Variants in SARNP observed in about 807,000 individuals in gnomAD.
SARNP encodes the protein SAP domain-containing ribonucleoprotein.
SARNP carries 5 observed loss-of-function variants against 38.1 expected under a neutral mutation model. The observed-to-expected ratio is 0.13, with a 90% CI of 0.07 to 0.28. The LOEUF is 0.28. Among genes scored for constraint, SARNP ranks in the 10% least tolerant of loss-of-function variants. The pLI is 1.00. For missense variants in SARNP, 180 were observed against 243.9 expected (o/e 0.74, Z 1.75); for synonymous variants, 84 against 80.6 (o/e 1.04, Z -0.23).
chr12:55,772,617 C>T (rs1477553495), intron 9 of SARNP, among the ~76,000 whole-genome samples: 1 of 152,110 alleles, frequency 6.6e-6, no homozygotes, highest in Non-Finnish European at 1.5e-5. Context: ...AAGTCCCCAT[C>T]TCCCTCCTTT....
chr12:55,786,561 T>A (rs948525283), intron 9 of SARNP, among the ~76,000 whole-genome samples: 4 of 152,196 alleles, frequency 2.6e-5, no homozygotes, highest in African/African-American at 9.7e-5. Context: ...GCGATTCTCC[T>A]GCCTCAGCCT....
At chr12:55,808,226 T>C (rs1880214364) in intron 1 of SARNP, among the ~76,000 whole-genome samples, 1 of 152,156 alleles carries the variant, frequency 6.6e-6, no homozygotes, top group South Asian at 2.1e-4. Context: ...CTCATGCCTG[T>C]AGTCCCTGCA....
At position 55,801,975 on chromosome 12, in the gene SARNP, T is replaced by A. The variant is rs376322553; in HGVS notation, c.137-1075A>T. 1.3e-4 allele frequency among the ~76,000 whole-genome samples: 20 copies of A among 152,172 alleles called. No individual in the cohort carries two copies. In the East Asian group the frequency reaches 2.1e-3, roughly 16 times the overall value. On this transcript the variant is annotated intron_variant, in intron 2 of 10. Coordinates refer to ENST00000336133, the MANE Select transcript of SARNP (RefSeq NM_033082.4). The stretch of plus-strand genomic sequence containing the variant: ...AATAGTTATTAGAATATAAAAGAAA[T>A]GCCTGCAAGCCAACAGGCAAATTAT...
At chr12:55,799,354 GGAAAAAGCCCCAAATTAAA>G (rs1044952505) in intron 4 of SARNP, among the ~76,000 whole-genome samples, 5 of 152,046 alleles carry the variant, frequency 3.3e-5, no homozygotes, top group African/African-American at 1.2e-4. Flanking sequence ...AGACATTTGT[GGAAAAAGCCCCAAATTAAA>G]GATGTTTAGG....
chr12:55,806,722 T>C (rs2136204932), intron 1 of SARNP, among the ~76,000 whole-genome samples: 1 of 152,248 alleles, frequency 6.6e-6, no homozygotes, highest in East Asian at 1.9e-4. Context: ...GTATTTTTAG[T>C]AGAGACGGGG....
At chr12:55,803,793 G>A in intron 1 of SARNP, 65 bp from the exon 2 acceptor site, 1 of 1,040,330 alleles carries the variant, frequency 9.6e-7, no homozygotes, top group Non-Finnish European at 1.5e-6. Flanking sequence ...TAAAATGGTA[G>A]TTCCCACAAG....
At chr12:55,813,178 T>C (rs949103976) in intron 1 of SARNP, among the ~76,000 whole-genome samples, 4 of 152,168 alleles carry the variant, frequency 2.6e-5, no homozygotes, top group African/African-American at 9.7e-5. Context: ...ACTCCTGACC[T>C]CGTGATCTGC....
At chr12:55,801,738 C>T (rs1045427261) in intron 2 of SARNP, among the ~76,000 whole-genome samples, 4 of 152,144 alleles carry the variant, frequency 2.6e-5, no homozygotes, top group Non-Finnish European at 5.9e-5. Flanking sequence ...CTGCCTTAGC[C>T]TCCCAAGTAG....
chr12:55,806,974 T>G (rs1880164363), intron 1 of SARNP, among the ~76,000 whole-genome samples: 2 of 152,332 alleles, frequency 1.3e-5, no homozygotes, highest in South Asian at 4.1e-4. Context: ...TATTTATTTT[T>G]AGAGACAGTG....
chr12:55,803,360 T>C (rs1051332977), intron 2 of SARNP, among the ~76,000 whole-genome samples: 4 of 151,934 alleles, frequency 2.6e-5, no homozygotes, highest in African/African-American at 9.7e-5. Context: ...GGTGCTCGCC[T>C]GTAGTCCCAG....
At chr12:55,786,203 T>C (rs1879488587) in intron 9 of SARNP, among the ~76,000 whole-genome samples, 2 of 152,194 alleles carry the variant, frequency 1.3e-5, no homozygotes, top group Admixed American at 1.3e-4. Context: ...GATGGACAAA[T>C]TCTTTTCAGC....
At chr12:55,797,859 C>A (rs1237440105) in intron 4 of SARNP, among the ~76,000 whole-genome samples, 1 of 152,138 alleles carries the variant, frequency 6.6e-6, no homozygotes, top group East Asian at 1.9e-4. Context: ...TCAGTCTAAC[C>A]ACAACTATCC....
chr12:55,760,519 A>G (rs1219074127), intron 10 of SARNP, 32 bp downstream of exon 10: 1 of 1,181,052 alleles, frequency 8.5e-7, no homozygotes, highest in Non-Finnish European at 1.3e-6. Context: ...TTTCCCTTCA[A>G]GGTCTATGAA....
intron 9 of SARNP, among the ~76,000 whole-genome samples, chr12:55,786,699 T>G (rs1879506977): frequency 6.6e-6 from 1 of 152,138 alleles, no homozygotes; most frequent in African/African-American, 2.4e-5. Flanking sequence ...TCCACCCGCC[T>G]CAGCCTCCCA....
At chr12:55,800,448 T>C in intron 4 of SARNP, 114 bp downstream of exon 4, 1 of 741,758 alleles carries the variant, frequency 1.3e-6, no homozygotes, top group Non-Finnish European at 2.2e-6. Flanking sequence ...AATGACCTAA[T>C]CAGAAAGGAA....
chr12:55,756,561 G>A (rs762871497), downstream of SARNP: 5 of 152,152 alleles, frequency 3.3e-5, no homozygotes, highest in Non-Finnish European at 7.4e-5. Context: ...AGGCTCCTAA[G>A]TCTTATTACC....
At chr12:55,808,276 G>C (rs1225484819) in intron 1 of SARNP, among the ~76,000 whole-genome samples, 1 of 151,936 alleles carries the variant, frequency 6.6e-6, no homozygotes, top group Non-Finnish European at 1.5e-5. Flanking sequence ...TTGAGCCCCG[G>C]AGTTCAAGAA....
intron 9 of SARNP, among the ~76,000 whole-genome samples, chr12:55,770,604 G>A (rs1878979564): frequency 6.6e-6 from 1 of 152,028 alleles, no homozygotes; most frequent in Non-Finnish European, 1.5e-5. Flanking sequence ...ACTGTAGCCA[G>A]GAAGTAAGTT....
chr12:55,794,046 T>C, intron 7 of SARNP: 1 of 346,380 alleles, frequency 2.9e-6, no homozygotes, highest in Middle Eastern at 9.3e-4. Context: ...TAACACTAGA[T>C]AGTATGCAAT....
Sources: allele counts gnomAD v4.1 joint callset (sites outside exome capture counted in the v4.1 genomes callset), GRCh38; gene constraint gnomAD v4.1.1; transcripts MANE v1.5; gene names NCBI Gene and HGNC (gene_info 2026-07-23, HGNC 2026-07-21).